The following PITPNM1 variants were observed in gnomAD, a reference collection of about 807,000 sequenced individuals.
PITPNM1 encodes phosphatidylinositol transfer protein membrane associated 1.
Under a neutral mutation model 133.3 loss-of-function variants are expected in PITPNM1, and 74 were observed. That is an observed-to-expected ratio of 0.56 (90% CI 0.46 to 0.67). The LOEUF (loss-of-function observed/expected upper bound fraction) is 0.67. Among genes scored for constraint, PITPNM1 ranks in the 30% least tolerant of loss-of-function variants. The probability of loss-of-function intolerance (pLI) is 0.00; values close to 1 mark genes in which losing one functional copy is unlikely to be tolerated. For synonymous variants in PITPNM1, 738 were observed against 741.4 expected (o/e 1.00, Z 0.08); for missense variants, 1,398 against 1,739.5 (o/e 0.80, Z 3.49).
chr11:67,495,015 C>A, intron 17 of PITPNM1, 59 bp from the exon 18 acceptor site: 1 of 1,605,050 alleles, frequency 6.2e-7, no homozygotes, highest in South Asian at 1.1e-5. Context: ...TGCCCCTCCC[C>A]CGGCCCAAAG....
chr11:67,496,033 C>A (rs750370409), intron 15 of PITPNM1, 145 bp downstream of exon 15: 22 of 830,176 alleles, frequency 2.7e-5, no homozygotes, highest in African/African-American at 3.6e-5. Flanking sequence ...ATCCAGACCC[C>A]CCCAGGGGGA....
In PITPNM1 at chr11:67,494,926, C is replaced by T. The variant is rs1591054466; in HGVS notation, c.2662G>A (p.Glu888Lys). 1 of 1,612,820 alleles carries T rather than the reference C, an allele frequency of 6.2e-7. No individual in the cohort carries two copies. The highest frequency in any genetic ancestry group is 1.3e-5 in the African/African-American group (1 of 74,886). Residue 888 changes from glutamate to lysine, a missense_variant, in exon 18 of 24, where the codon GAA becomes AAA. Glu to Lys is a moderately conservative substitution (Grantham distance 56). Around this residue, in one of 5 missense-constraint regions of PITPNM1, gnomAD observed 574 missense variants for 698.7 expected, o/e 0.82. Coordinates refer to ENST00000356404, the MANE Select transcript of PITPNM1 (RefSeq NM_004910.3). Reference sequence around the variant, plus strand: ...CTGTAGATGGACGGCTCCTCGCATTCCGCCAGCTGTGGCCGCTCCTTCTCG... The same window carrying T: ...CTGTAGATGGACGGCTCCTCGCATTTCGCCAGCTGTGGCCGCTCCTTCTCG... ...VIEKERPQLA[E>K]CEEPSIYSPA...
chr11:67,502,325 G>A lies in PITPNM1; in HGVS notation c.382C>T (p.Leu128=). ...DGGQQPNVFN[L]SGAERRQRIL... ...CGCTGTCTCCTCTCGGCCCCGCTCA[G>A]GTTGAAGACGTTTGGCTGCTGCCCC... The change falls in exon 4 of 24, where the codon CTG becomes TTG. Residue 128 remains leucine, a synonymous_variant. Transcript: ENST00000356404. The surrounding 1 kb of genome is among the most constrained non-coding windows in gnomAD (Gnocchi z 5.9). 6.2e-7 allele frequency: 1 copy of A among 1,613,600 alleles called. No individual in the cohort carries two copies. The highest frequency in any genetic ancestry group is 8.5e-7 in the Non-Finnish European group (1 of 1,180,030).
At chr11:67,494,665 T>G (rs547388190) in intron 18 of PITPNM1, among the ~76,000 whole-genome samples, 181 bp downstream of exon 18, 19 of 151,478 alleles carry the variant, frequency 1.3e-4, no homozygotes, top group African/African-American at 4.6e-4. Flanking sequence ...AGACCAGCGG[T>G]TCCCAGGGGC....
At position 67,494,971 on chromosome 11, in the gene PITPNM1, G is replaced by GGCGA; in HGVS notation, c.2632-16_2632-15insTCGC. ...TTCTCGATCACCTGCACGGGACAGG[G>GGCGA]GGCGAGGCCTCTGTCTCTTAGGGGA... On this transcript the variant is annotated splice_polypyrimidine_tract_variant and intron_variant, in intron 17 of 23. Transcript: ENST00000356404. The GGCGA allele has an allele frequency of 6.2e-7, 1 of 1,611,012 alleles. No individual in the cohort carries two copies.
At chr11:67,501,162 C>T (rs1297806639) in intron 5 of PITPNM1, among the ~76,000 whole-genome samples, 1 of 152,206 alleles carries the variant, frequency 6.6e-6, no homozygotes, top group East Asian at 1.9e-4. Context: ...AGCCATGGGT[C>T]TGTGTGTCGC....
rs749141321 is a variant in PITPNM1, at chr11:67,498,931, C to G, written c.1233+9G>C. On this transcript the variant is annotated intron_variant, in intron 9 of 23. Coordinates refer to ENST00000356404, the MANE Select transcript of PITPNM1 (RefSeq NM_004910.3). The surrounding 1 kb of genome is among the most constrained non-coding windows in gnomAD (Gnocchi z 5.7). The stretch of plus-strand genomic sequence containing the variant: ...GGAGCTTTGACATGGGGTGGCTGAC[C>G]ATACTCGCCTCTGAGTCCCTGGGTG... 1 of 1,612,330 alleles carries G rather than the reference C, an allele frequency of 6.2e-7. No individual in the cohort carries two copies. Among genetic ancestry groups the G allele is most frequent in the South Asian group, 1.1e-5 (1 of 91,008 alleles).
rs1403525550 is a variant in PITPNM1, at chr11:67,500,097, C to T, written c.965G>A (p.Gly322Glu). The change falls in exon 6 of 24, where the codon GGA becomes GAA. Residue 322 changes from glycine to glutamate, a missense_variant and splice_region_variant. Physicochemically the swap from Gly to Glu is moderately conservative, Grantham distance 98 (BLOSUM62 -2). Transcript: ENST00000356404. ...CCATCCCTGTGCCCCAGCCTCACCTCCATGTTGGGATGAGTAGGAGGAACG... is the reference window on the plus strand; with the variant it reads ...CCATCCCTGTGCCCCAGCCTCACCTTCATGTTGGGATGAGTAGGAGGAACG... ...SSRSSYSSQH[G>E]GAVSPQSLSE... 15 of 1,597,334 alleles carry T rather than the reference C, an allele frequency of 9.4e-6. No individual in the cohort carries two copies. Among genetic ancestry groups the T allele is most frequent in the Non-Finnish European group, 1.3e-5 (15 of 1,168,894 alleles).
At chr11:67,497,004 T>TA (rs1866141802) in intron 14 of PITPNM1, 1 of 437,950 alleles carries the variant, frequency 2.3e-6, no homozygotes, top group Non-Finnish European at 4.0e-6. Context: ...TGACCCCTTC[T>TA]AGTGCAGAAC....
chr11:67,504,081 G>A lies in PITPNM1; in HGVS notation c.78+22C>T, dbSNP rs1390410319. 1 of 1,570,794 alleles carries A rather than the reference G, an allele frequency of 6.4e-7. No homozygotes were observed. The highest frequency in any genetic ancestry group is 8.6e-7 in the Non-Finnish European group (1 of 1,159,190). ...GCAGGGCTCCACCCCTTGCCCGGGT[G>A]CCCTCTCCCCGCCGCCCTCACCTGG... is the stretch of plus-strand genomic sequence containing the variant. On this transcript the variant is annotated intron_variant, in intron 2 of 23. Coordinates refer to ENST00000356404, the MANE Select transcript of PITPNM1 (RefSeq NM_004910.3). The surrounding 1 kb of genome is among the most constrained non-coding windows in gnomAD (Gnocchi z 5.4).
intron 15 of PITPNM1, 40 bp from the exon 16 acceptor site, chr11:67,495,642 T>G: frequency 6.6e-7 from 1 of 1,507,258 alleles, no homozygotes. Context: ...GCCGGCCAGG[T>G]GGCTCTCCTG....
At chr11:67,492,342 C>T in intron 23 of PITPNM1, 46 bp from the exon 24 acceptor site, 1 of 1,496,730 alleles carries the variant, frequency 6.7e-7, no homozygotes, top group South Asian at 1.3e-5. Flanking sequence ...GGCCAAGGGC[C>T]CACACGCTGC....
rs541559545 is a variant in PITPNM1 at position 67,493,305 on chromosome 11, G to C, written c.3342+105C>G. On this transcript the variant is annotated intron_variant, in intron 22 of 23. Coordinates refer to ENST00000356404, the MANE Select transcript of PITPNM1 (RefSeq NM_004910.3). ...GGGCCGCTGCAGTCAGGCAGGGCCC[G>C]GGCCGATCCAGTTGGGAACAGATGG... 1.5e-4 allele frequency: 192 copies of C among 1,298,602 alleles called. 1 individual carries two copies. The African/African-American group carries it at 2.5e-3, about 17-fold the overall frequency. 80.4% of individuals were successfully genotyped at this position (1,298,602 alleles called of 1,614,324 possible).
intron 14 of PITPNM1, 39 bp from the exon 15 acceptor site, chr11:67,496,387 G>T: frequency 6.5e-7 from 1 of 1,545,516 alleles, no homozygotes; most frequent in Non-Finnish European, 8.6e-7. Flanking sequence ...TGGGGTCAGG[G>T]TTTCAGCTGG....
chr11:67,500,515 T>A, intron 5 of PITPNM1, 94 bp from the exon 6 acceptor site: 1 of 1,272,576 alleles, frequency 7.9e-7, no homozygotes, highest in Non-Finnish European at 1.1e-6. Context: ...ATGGCTCCCC[T>A]GGGGACACCA....
Position 67,494,379 on chromosome 11 carries a change from G to T in PITPNM1, c.2743-19C>A. On this transcript the variant is annotated intron_variant, in intron 18 of 23. Transcript: ENST00000356404. Reference sequence around the variant, plus strand: ...TGACGTTCTAGAGGGAGGAGAGGGCGTGAGTCCGCGGCCAGCAAAGGATGG... The same window carrying T: ...TGACGTTCTAGAGGGAGGAGAGGGCTTGAGTCCGCGGCCAGCAAAGGATGG... 6.4e-7 allele frequency: 1 copy of T among 1,557,260 alleles called. No individual in the cohort carries two copies. Among genetic ancestry groups the T allele is most frequent in the Non-Finnish European group, 8.7e-7 (1 of 1,144,108 alleles).
chr11:67,505,938 C>T (rs976804319), upstream of PITPNM1, among the ~76,000 whole-genome samples: 4 of 152,342 alleles, frequency 2.6e-5, no homozygotes, highest in East Asian at 5.8e-4. This position sits in a 1 kb window ranked among gnomAD's most constrained non-coding sequence, Gnocchi z 5.8. Context: ...CCCAGCCACC[C>T]GGAGTCTGGG....
Position 67,496,305 on chromosome 11 carries a change from G to C in PITPNM1, c.2190C>G (p.Phe730Leu), listed in dbSNP as rs749315678. 7.6e-6 allele frequency: 12 copies of C among 1,583,326 alleles called. No homozygotes were observed. The Admixed American group carries it at 2.2e-4, about 29-fold the overall frequency. ...RPACEQIYNLFHAADPCASRL... is the reference protein window; with the variant it reads ...RPACEQIYNLLHAADPCASRL... The stretch of plus-strand genomic sequence containing the variant: ...GTGAGGCGCAGGGGTCAGCCGCGTG[G>C]AAGAGGTTGTAGATCTGTTCACAGG... The change falls in exon 15 of 24, where the codon TTC (phenylalanine) becomes TTG (leucine). Residue 730 changes from phenylalanine to leucine, a missense_variant. Transcript: ENST00000356404.
At position 67,492,732 on chromosome 11, in the gene PITPNM1, C is replaced by G. The variant is rs147940157; in HGVS notation, c.3471+202G>C. On this transcript the variant is annotated intron_variant, in intron 23 of 23. Transcript: ENST00000356404. Reference sequence around the variant, plus strand: ...CAGCGCCTAGGGTCTTGAGCACTTTCCAGTGTGGGCTGTCCCCTCTGGCTT... The same window carrying G: ...CAGCGCCTAGGGTCTTGAGCACTTTGCAGTGTGGGCTGTCCCCTCTGGCTT... Among the ~76,000 whole-genome samples, 1,334 of 152,382 alleles carry G rather than the reference C, an allele frequency of 8.8e-3. 18 individuals are homozygous for G. The highest frequency in any genetic ancestry group is 0.011 in the Non-Finnish European group (751 of 68,036).
Sources: allele counts gnomAD v4.1 joint callset (sites outside exome capture counted in the v4.1 genomes callset), GRCh38; gene constraint gnomAD v4.1.1; regional missense constraint gnomAD v4.1.1; non-coding constraint Gnocchi (gnomAD v3.1); transcripts MANE v1.5; gene names NCBI Gene and HGNC (gene_info 2026-07-23, HGNC 2026-07-21).